CDYL: variants seen among roughly 807,000 people sequenced by gnomAD.
The protein encoded by CDYL is chromodomain Y-like protein.
A neutral mutation model predicts 47.3 loss-of-function variants in CDYL; 8 were observed. The observed-to-expected ratio is 0.17, with a 90% CI of 0.10 to 0.31. The LOEUF is 0.31. Ranked by LOEUF, CDYL falls within the 10% of genes least tolerant of loss-of-function variation. The pLI is 1.00. For synonymous variants in CDYL, 266 were observed against 265.0 expected, an observed-to-expected ratio of 1.00 and a Z score of -0.04; for missense variants, 471 against 701.4, an observed-to-expected ratio of 0.67 and a Z score of 3.71.
At chr6:4,808,648 C>T (rs1021321052) in intron 1 of CDYL, among the ~76,000 whole-genome samples, 1 of 152,134 alleles carries the variant, frequency 6.6e-6, no homozygotes, top group East Asian at 1.9e-4. Context: ...CGCATGGTTG[C>T]GAGAGAGACC....
chr6:4,889,713 A>T (rs916960540), intron 1 of CDYL, among the ~76,000 whole-genome samples: 3 of 152,150 alleles, frequency 2.0e-5, no homozygotes, highest in Non-Finnish European at 4.4e-5. Context: ...AGTGATTGGG[A>T]GACCAGATGA....
chr6:4,901,252 G>GA (rs1019284460), intron 2 of CDYL, among the ~76,000 whole-genome samples: 4 of 152,068 alleles, frequency 2.6e-5, no homozygotes, highest in Admixed American at 6.5e-5. Context: ...CAAAGGGGGG[G>GA]AAATCACATT....
At chr6:4,813,463 G>A (rs1200520998) in intron 1 of CDYL, among the ~76,000 whole-genome samples, 1 of 152,180 alleles carries the variant, frequency 6.6e-6, no homozygotes, top group Non-Finnish European at 1.5e-5. Flanking sequence ...TCTAATGATG[G>A]TAGTGACAGA....
chr6:4,797,482 A>G (rs1759106485), intron 1 of CDYL, among the ~76,000 whole-genome samples: 1 of 146,670 alleles, frequency 6.8e-6, no homozygotes, highest in East Asian at 2.0e-4. Context: ...CTTTTAAAGT[A>G]TGTAGTTCAC....
chr6:4,912,477 CAG>C (rs1287077014), intron 2 of CDYL, among the ~76,000 whole-genome samples: 1 of 152,244 alleles, frequency 6.6e-6, no homozygotes, highest in African/African-American at 2.4e-5. Flanking sequence ...TGCTGACTGG[CAG>C]GGGCGGAACG....
intron 2 of CDYL, among the ~76,000 whole-genome samples, chr6:4,925,409 CTTTTTTTT>C: frequency 9.1e-6 from 1 of 109,302 alleles, no homozygotes; most frequent in South Asian, 3.0e-4. Flanking sequence ...ATTCTTTTTT[CTTTTTTTT>C]TTTTTTTTTT....
chr6:4,759,802 C>T (rs1758141339), intron 3 of CDYL, among the ~76,000 whole-genome samples: 1 of 139,698 alleles, frequency 7.2e-6, no homozygotes, highest in Admixed American at 7.6e-5. Context: ...TCGCTTGAAC[C>T]CAGGAGGTGG....
At chr6:4,755,259 C>T (rs1422703662) in intron 3 of CDYL, among the ~76,000 whole-genome samples, 6 of 150,854 alleles carry the variant, frequency 4.0e-5, no homozygotes, top group South Asian at 2.1e-4. Context: ...TTAGTTGAGA[C>T]GGGGTTTCCC....
At position 4,710,683 on chromosome 6, in the gene CDYL, G is replaced by A. The variant is rs556903935; in HGVS notation, c.-39+4432G>A. 1.4e-4 allele frequency among the ~76,000 whole-genome samples: 21 copies of A among 152,094 alleles called. 1 individual carries two copies. The East Asian group carries it at 3.9e-3, about 28-fold the overall frequency. ...AGGCTCATCCAGGTCCCACAGGCACGCTGTGCTCCCGTCTTTATTCTCTGC... is the reference window on the plus strand; with the variant it reads ...AGGCTCATCCAGGTCCCACAGGCACACTGTGCTCCCGTCTTTATTCTCTGC... On this transcript the variant is annotated intron_variant, in intron 1 of 8. Transcript: ENST00000328908.
chr6:4,848,925 CTT>C (rs2127462454), intron 1 of CDYL, among the ~76,000 whole-genome samples: 1 of 152,306 alleles, frequency 6.6e-6, no homozygotes, highest in African/African-American at 2.4e-5. Context: ...ATCTTGTTTA[CTT>C]TGTTAATAAT....
chr6:4,920,717 C>T lies in CDYL; in HGVS notation c.692-14798C>T, dbSNP rs149170488. Among the ~76,000 whole-genome samples, 453 of 152,326 alleles carry T rather than the reference C, an allele frequency of 3.0e-3. 4 individuals carry two copies. Among genetic ancestry groups the T allele is most frequent in the African/African-American group, 0.01 (436 of 41,570 alleles). ...CACTGCAACCTCTGCCTCCCAGGTTCAAGTGATTCTCCTGCCTCCGCCTCT... is the reference window on the plus strand; with the variant it reads ...CACTGCAACCTCTGCCTCCCAGGTTTAAGTGATTCTCCTGCCTCCGCCTCT... On this transcript the variant is annotated intron_variant, in intron 2 of 6. Coordinates refer to ENST00000397588, the MANE Select transcript of CDYL (RefSeq NM_004824.4).
rs562450738 is a variant in CDYL at position 4,805,530 on chromosome 6, G to A, written c.24+28723G>A. On this transcript the variant is annotated intron_variant, in intron 1 of 6. Transcript: ENST00000397588. Reference sequence around the variant, plus strand: ...AGGGATTTGTTTATGCAATGATGGAGGCCTAGAAGTCCCATGATCTGCTTT... The same window carrying A: ...AGGGATTTGTTTATGCAATGATGGAAGCCTAGAAGTCCCATGATCTGCTTT... Among the ~76,000 whole-genome samples the A allele has an allele frequency of 2.2e-3, 337 of 152,290 alleles. 2 individuals carry two copies. Among genetic ancestry groups the A allele is most frequent in the Non-Finnish European group, 2.7e-3 (187 of 68,024 alleles).
intron 3 of CDYL, 130 bp downstream of exon 3, chr6:4,935,901 A>G (rs762296306): frequency 1.0e-5 from 14 of 1,406,498 alleles, no homozygotes; most frequent in Non-Finnish European, 1.3e-5. Context: ...GATGCCCACC[A>G]GAAGGGAGGG....
intron 2 of CDYL, among the ~76,000 whole-genome samples, chr6:4,896,003 T>C (rs2127489885): frequency 6.6e-6 from 1 of 152,330 alleles, no homozygotes; most frequent in Middle Eastern, 3.4e-3. Flanking sequence ...GCCCTCACCA[T>C]CATTTTTCTC....
At chr6:4,866,696 A>T (rs1761333417) in intron 1 of CDYL, among the ~76,000 whole-genome samples, 1 of 152,168 alleles carries the variant, frequency 6.6e-6, no homozygotes, top group African/African-American at 2.4e-5. Flanking sequence ...GTGAGGACTT[A>T]CTATATAATA....
At chr6:4,846,947 T>G (rs891306517) in intron 1 of CDYL, among the ~76,000 whole-genome samples, 1 of 152,236 alleles carries the variant, frequency 6.6e-6, no homozygotes, top group African/African-American at 2.4e-5. Flanking sequence ...GTCAGCAAAG[T>G]AGCCCCCTAT....
chr6:4,862,648 T>C (rs1192105061), intron 1 of CDYL, among the ~76,000 whole-genome samples: 2 of 152,206 alleles, frequency 1.3e-5, no homozygotes, highest in East Asian at 3.8e-4. Context: ...GTCTACAACA[T>C]TTTCACATAA....
At chr6:4,708,402 T>A (rs1291969893) in intron 1 of CDYL, among the ~76,000 whole-genome samples, 1 of 152,164 alleles carries the variant, frequency 6.6e-6, no homozygotes, top group Non-Finnish European at 1.5e-5. Context: ...TCAAGTGATC[T>A]GCCCACCTTG....
chr6:4,861,120 T>C (rs538805264), intron 1 of CDYL, among the ~76,000 whole-genome samples: 1 of 152,312 alleles, frequency 6.6e-6, no homozygotes, highest in South Asian at 2.1e-4. Flanking sequence ...TCTAAAAATA[T>C]AGAAGAGTTA....
Sources: gnomAD v4.1 joint callset for allele counts (sites outside exome capture counted in the v4.1 genomes callset) on GRCh38, gnomAD v4.1.1 for gene constraint, MANE v1.5 for transcripts, NCBI Gene and HGNC (gene_info 2026-07-23, HGNC 2026-07-21) for gene names.